SAP30BP: variants seen among roughly 807,000 people sequenced by gnomAD.
SAP30BP encodes the protein SAP30-binding protein.
A neutral mutation model predicts 46.3 loss-of-function variants in SAP30BP; 31 were observed. The observed-to-expected ratio is 0.67, with a 90% CI of 0.50 to 0.90. The LOEUF is 0.90. SAP30BP is among the 40% of genes least tolerant of loss of function. The pLI is 0.00. For synonymous variants in SAP30BP, 169 were observed against 144.2 expected, an observed-to-expected ratio of 1.17 and a Z score of -1.23; for missense variants, 312 against 391.0, an observed-to-expected ratio of 0.80 and a Z score of 1.70.
chr17:75,681,604 G>A (rs564978743), intron 3 of SAP30BP, among the ~76,000 whole-genome samples: 2 of 152,336 alleles, frequency 1.3e-5, no homozygotes, highest in African/African-American at 4.8e-5. Flanking sequence ...GTTGACTGCT[G>A]ATTATAGGAA....
At chr17:75,680,678 C>T (rs901914463) in intron 3 of SAP30BP, among the ~76,000 whole-genome samples, 6 of 152,224 alleles carry the variant, frequency 3.9e-5, no homozygotes, top group Non-Finnish European at 7.3e-5. Flanking sequence ...GAAGGCGCCA[C>T]GATTTCTCGG....
At chr17:75,678,665 G>C (rs2060029033) in intron 3 of SAP30BP, among the ~76,000 whole-genome samples, 1 of 152,168 alleles carries the variant, frequency 6.6e-6, no homozygotes, top group African/African-American at 2.4e-5. Flanking sequence ...TTGTCGGCCG[G>C]TTTTGGAAGA....
rs74349121 is a variant in SAP30BP, at chr17:75,705,742, C to T, written c.661-266C>T. 2,474 of 926,514 alleles carry T rather than the reference C, an allele frequency of 2.7e-3. 37 individuals are homozygous for T. In the African/African-American group the frequency reaches 0.037, roughly 14 times the overall value. The allele number at this position is 926,514 out of a possible 1,614,324, so 57.4% of individuals were successfully genotyped here. A position where few individuals can be genotyped will look rare whatever the true frequency, so the allele number is the denominator to read the frequency against. The stretch of plus-strand genomic sequence containing the variant: ...ACGGTTCTGGGCATGTGAGGTGGGG[C>T]GGTGGGCGGGGGGTGCCGGGCATGT... On this transcript the variant is annotated intron_variant, in intron 9 of 10. Transcript: ENST00000584667.
chr17:75,690,578 C>T, intron 3 of SAP30BP: 1 of 420,224 alleles, frequency 2.4e-6, no homozygotes, highest in South Asian at 1.7e-5. Context: ...CTCAGCCTCT[C>T]AAAGTGCTGG....
At chr17:75,695,478 C>T (rs945191805) in intron 4 of SAP30BP, among the ~76,000 whole-genome samples, 2 of 152,218 alleles carry the variant, frequency 1.3e-5, no homozygotes, top group Admixed American at 6.5e-5. Flanking sequence ...TAATATTTCA[C>T]TGTAGGGATA....
At chr17:75,677,692 C>A (rs1392089655) in intron 3 of SAP30BP, among the ~76,000 whole-genome samples, 3 of 150,008 alleles carry the variant, frequency 2.0e-5, no homozygotes, top group Admixed American at 6.6e-5. Context: ...GTGATCCACC[C>A]ACCTCAGCCT....
chr17:75,675,414 G>T (rs1038169498), intron 3 of SAP30BP, among the ~76,000 whole-genome samples: 1 of 152,128 alleles, frequency 6.6e-6, no homozygotes, highest in Non-Finnish European at 1.5e-5. Context: ...CTCCCAAAGT[G>T]CTGGGATTAC....
chr17:75,694,553 C>G (rs994793181), intron 4 of SAP30BP, among the ~76,000 whole-genome samples: 2 of 152,214 alleles, frequency 1.3e-5, no homozygotes, highest in African/African-American at 4.8e-5. Context: ...GAAAGTGACG[C>G]CTTAGGGGTG....
At chr17:75,705,869 C>T (rs1370693753) in intron 9 of SAP30BP, 139 bp from the exon 10 acceptor site, 2 of 1,276,646 alleles carry the variant, frequency 1.6e-6, no homozygotes, top group South Asian at 1.4e-5. Flanking sequence ...CGCCCTACCC[C>T]AGATGGGCAG....
intron 3 of SAP30BP, chr17:75,684,692 C>T (rs761021851): frequency 2.0e-5 from 3 of 152,156 alleles, no homozygotes; most frequent in African/African-American, 4.8e-5. Flanking sequence ...TCCAGAAGCT[C>T]GTGGAGTGGC....
intron 3 of SAP30BP, among the ~76,000 whole-genome samples, chr17:75,687,330 G>T (rs751607446): frequency 6.6e-6 from 1 of 152,160 alleles, no homozygotes. Flanking sequence ...GAAAGAGGAT[G>T]CAGGGCCAGA....
intron 2 of SAP30BP, 112 bp from the exon 3 acceptor site, chr17:75,671,703 TG>T: frequency 5.1e-6 from 4 of 777,386 alleles, no homozygotes; most frequent in Non-Finnish European, 9.3e-6. Flanking sequence ...GGATTCTTGG[TG>T]GGATGACCCC....
intron 3 of SAP30BP, among the ~76,000 whole-genome samples, chr17:75,681,926 C>T (rs963460965): frequency 6.6e-5 from 10 of 152,108 alleles, no homozygotes; most frequent in Admixed American, 3.9e-4. Flanking sequence ...GCATTGCAAA[C>T]AGGTTGTTTG....
At chr17:75,695,348 G>C (rs1221434972) in intron 4 of SAP30BP, among the ~76,000 whole-genome samples, 1 of 152,220 alleles carries the variant, frequency 6.6e-6, no homozygotes, top group Admixed American at 6.5e-5. Context: ...ATCACCCCTA[G>C]TTAAGAACCA....
At chr17:75,688,207 T>C (rs2060190590) in intron 3 of SAP30BP, among the ~76,000 whole-genome samples, 1 of 152,110 alleles carries the variant, frequency 6.6e-6, no homozygotes, top group Non-Finnish European at 1.5e-5. Context: ...AGGAAGAGGC[T>C]GAAATGGGCA....
At chr17:75,705,432 G>T (rs921842668) in intron 9 of SAP30BP, 24 of 174,306 alleles carry the variant, frequency 1.4e-4, no homozygotes, top group South Asian at 1.5e-4. Flanking sequence ...CCTCCAGACC[G>T]CTTCCCTCAC....
intron 9 of SAP30BP, 104 bp downstream of exon 9, chr17:75,704,918 G>A (rs556800338): frequency 5.6e-6 from 5 of 885,660 alleles, no homozygotes; most frequent in Middle Eastern, 2.2e-4. Flanking sequence ...CCCTGGCCCC[G>A]TGTCATCACC....
rs2060512535 is a variant in SAP30BP at position 75,707,321 on chromosome 17, G to C, written c.*800G>C. 1 of 152,598 alleles carries C rather than the reference G, an allele frequency of 6.6e-6. No homozygotes were observed. Among genetic ancestry groups the C allele is most frequent in the South Asian group, 2.1e-4 (1 of 4,838 alleles). The allele number at this position is 152,598 out of a possible 1,614,324, so 9.5% of individuals were successfully genotyped here. ...GTTTACAGGCAAGCCCTGCTCCTGG[G>C]AGGGCTCCTGCCACCCCACCCTTCC... is the stretch of plus-strand genomic sequence containing the variant. On this transcript the variant is annotated 3_prime_UTR_variant, in exon 11 of 11. Transcript: ENST00000584667.
chr17:75,688,830 A>G (rs1452687726), intron 3 of SAP30BP, among the ~76,000 whole-genome samples: 1 of 152,086 alleles, frequency 6.6e-6, no homozygotes, highest in African/African-American at 2.4e-5. Context: ...AGGTTCTGTA[A>G]TTCTTGAGAA....
Sources: gnomAD v4.1 joint callset for allele counts (sites outside exome capture counted in the v4.1 genomes callset) on GRCh38, gnomAD v4.1.1 for gene constraint, MANE v1.5 for transcripts, NCBI Gene and HGNC (gene_info 2026-07-23, HGNC 2026-07-21) for gene names.